Variants in NEK11 observed in about 807,000 individuals in gnomAD.
The protein encoded by NEK11 is serine/threonine-protein kinase Nek11.
In NEK11, 72 loss-of-function variants were observed where a neutral mutation model predicts 80.7. The ratio of observed to expected loss-of-function variants is 0.89; its 90% CI spans 0.74 to 1.08. The LOEUF (loss-of-function observed/expected upper bound fraction) is 1.08, where lower values mean the gene tolerates loss of function less well. NEK11 is among the 50% of genes least tolerant of loss of function. NEK11 has a pLI of 0.00. For missense variants in NEK11, 764 were observed against 763.6 expected (o/e 1.00, Z -0.01); for synonymous variants, 251 against 260.7 (o/e 0.96, Z 0.36).
intron 17 of NEK11, among the ~76,000 whole-genome samples, chr3:131,301,620 G>A (rs775366635): frequency 1.1e-4 from 16 of 151,842 alleles, no homozygotes; most frequent in East Asian, 3.9e-4. Context: ...TCTTTTCTTC[G>A]TCTATTGAGA....
At chr3:131,333,599 T>A (rs1279549547) in intron 17 of NEK11, among the ~76,000 whole-genome samples, 1 of 152,004 alleles carries the variant, frequency 6.6e-6, no homozygotes, top group East Asian at 1.9e-4. Flanking sequence ...AATGACAGGA[T>A]CAAATTCACA....
At chr3:131,315,495 G>A (rs940810313) in intron 17 of NEK11, among the ~76,000 whole-genome samples, 32 of 148,758 alleles carry the variant, frequency 2.2e-4, no homozygotes, top group African/African-American at 7.8e-4. Context: ...GTGTGTGTGT[G>A]TATTCATCCA....
chr3:131,256,043 A>G (rs910160616), intron 16 of NEK11, among the ~76,000 whole-genome samples: 6 of 152,176 alleles, frequency 3.9e-5, no homozygotes, highest in African/African-American at 1.4e-4. Context: ...ATTTGTCTCC[A>G]AAGGCTGGGA....
intron 3 of NEK11, among the ~76,000 whole-genome samples, chr3:131,050,265 T>C (rs534463698): frequency 6.6e-6 from 1 of 152,378 alleles, no homozygotes; most frequent in Non-Finnish European, 1.5e-5. Context: ...CATCAGGAGA[T>C]TGCAGTAGAG....
At chr3:131,222,917 G>A (rs2095069740) in intron 14 of NEK11, among the ~76,000 whole-genome samples, 1 of 152,200 alleles carries the variant, frequency 6.6e-6, no homozygotes, top group African/African-American at 2.4e-5. Flanking sequence ...ATCTGATAAA[G>A]GCCATCATTT....
intron 14 of NEK11, among the ~76,000 whole-genome samples, chr3:131,173,278 G>T (rs1200356737): frequency 6.6e-6 from 1 of 152,010 alleles, no homozygotes. Context: ...ACCCTCTCTT[G>T]GGGTCTGGAT....
At chr3:131,337,380 C>G (rs1305947305) in intron 17 of NEK11, among the ~76,000 whole-genome samples, 2 of 151,880 alleles carry the variant, frequency 1.3e-5, no homozygotes, top group Admixed American at 6.6e-5. Context: ...ACACCAAACA[C>G]CGCATGTTCT....
intron 10 of NEK11, among the ~76,000 whole-genome samples, chr3:131,155,541 C>T (rs1003548007): frequency 6.6e-6 from 1 of 152,056 alleles, no homozygotes. Context: ...GAAAATAAGC[C>T]GAAATTCACT....
At chr3:131,192,639 T>C (rs2674615) in intron 14 of NEK11, among the ~76,000 whole-genome samples, 13,892 of 152,194 alleles carry the variant, frequency 0.091, 1,157 homozygotes, top group East Asian at 0.43. Context: ...TGCCACCATG[T>C]AATGAACCTT....
chr3:131,130,054 C>G (rs2084146202), intron 5 of NEK11, among the ~76,000 whole-genome samples: 1 of 152,292 alleles, frequency 6.6e-6, no homozygotes, highest in Middle Eastern at 3.4e-3. Flanking sequence ...TTGAGTCTAC[C>G]TATCCATGAA....
At chr3:131,083,696 C>T (rs762400502) in intron 4 of NEK11, among the ~76,000 whole-genome samples, 11 of 152,154 alleles carry the variant, frequency 7.2e-5, no homozygotes, top group Admixed American at 6.5e-5. Flanking sequence ...CCTTTCAAGA[C>T]TGAAATATAT....
At chr3:131,275,626 C>A (rs1040114407) in intron 17 of NEK11, among the ~76,000 whole-genome samples, 1 of 152,126 alleles carries the variant, frequency 6.6e-6, no homozygotes, top group Admixed American at 6.5e-5. Flanking sequence ...TATTGTGAAT[C>A]CTTATGCCAT....
Position 131,194,007 on chromosome 3 carries a change from A to G in NEK11, c.1399+23120A>G, listed in dbSNP as rs145766942. On this transcript the variant is annotated intron_variant, in intron 14 of 17. Coordinates refer to ENST00000383366, the MANE Select transcript of NEK11 (RefSeq NM_024800.5). The stretch of plus-strand genomic sequence containing the variant: ...TGTAGTATCAGCAAATGCAATCAAC[A>G]CATTACAGCAAGTTGATTTGCAGGT... Among the ~76,000 whole-genome samples, 521 of 152,330 alleles carry G rather than the reference A, an allele frequency of 3.4e-3. 2 individuals carry two copies. Among genetic ancestry groups the G allele is most frequent in the African/African-American group, 0.012 (479 of 41,588 alleles).
intron 15 of NEK11, among the ~76,000 whole-genome samples, chr3:131,231,119 C>G (rs2095320869): frequency 6.6e-6 from 1 of 151,992 alleles, no homozygotes; most frequent in Non-Finnish European, 1.5e-5. Flanking sequence ...AGTGTGAGAA[C>G]AGACTAAATA....
At chr3:131,043,240 CA>C (rs2109744732) in intron 3 of NEK11, among the ~76,000 whole-genome samples, 1 of 152,262 alleles carries the variant, frequency 6.6e-6, no homozygotes, top group South Asian at 2.1e-4. Flanking sequence ...AGCAAGAGAA[CA>C]AAACTGGATG....
chr3:131,346,590 G>A (rs1415501528), intron 17 of NEK11, among the ~76,000 whole-genome samples: 2 of 152,110 alleles, frequency 1.3e-5, no homozygotes, highest in Non-Finnish European at 2.9e-5. Flanking sequence ...GGAAAGGGGT[G>A]GAAAAAGTCA....
intron 15 of NEK11, among the ~76,000 whole-genome samples, chr3:131,231,275 C>G (rs1398925689): frequency 6.7e-6 from 1 of 150,298 alleles, no homozygotes; most frequent in East Asian, 2.0e-4. Context: ...GATCTCTGCT[C>G]ACTCTAATTG....
chr3:131,121,870 C>A (rs201666372), intron 5 of NEK11, among the ~76,000 whole-genome samples: 1 of 152,206 alleles, frequency 6.6e-6, no homozygotes, highest in African/African-American at 2.4e-5. Context: ...CCCAACTTTC[C>A]AGGTACCATC....
chr3:131,069,742 C>G (rs555397940), intron 3 of NEK11, among the ~76,000 whole-genome samples: 28 of 151,448 alleles, frequency 1.8e-4, no homozygotes, highest in African/African-American at 6.6e-4. Flanking sequence ...AAACTAAACA[C>G]CGCATATTCT....
Sources: gnomAD v4.1 joint callset for allele counts (sites outside exome capture counted in the v4.1 genomes callset) on GRCh38, gnomAD v4.1.1 for gene constraint, MANE v1.5 for transcripts, NCBI Gene and HGNC (gene_info 2026-07-23, HGNC 2026-07-21) for gene names.